The following PPP1R14B variants were observed in gnomAD, a reference collection of about 807,000 sequenced individuals.
PPP1R14B encodes the protein protein phosphatase 1 regulatory inhibitor subunit 14B.
A neutral mutation model predicts 14.7 loss-of-function variants in PPP1R14B; 4 were observed. The observed-to-expected ratio is 0.27, with a 90% CI of 0.13 to 0.62. The LOEUF (loss-of-function observed/expected upper bound fraction) is 0.62, where lower values mean the gene tolerates loss of function less well. Among genes scored for constraint, PPP1R14B ranks in the 20% least tolerant of loss-of-function variants. The pLI, the probability that PPP1R14B is intolerant of heterozygous loss-of-function variation, is 0.85. For missense variants in PPP1R14B, 138 were observed against 201.5 expected, an observed-to-expected ratio of 0.68 and a Z score of 1.91; for synonymous variants, 76 against 87.3, an observed-to-expected ratio of 0.87 and a Z score of 0.72.
intron 2 of PPP1R14B, 56 bp from the exon 3 acceptor site, chr11:64,245,018 G>A: frequency 6.5e-7 from 1 of 1,546,752 alleles, no homozygotes. Context: ...GGGGCCTGGA[G>A]CTCGCCTATA....
chr11:64,245,512 C>T (rs2030843481), intron 1 of PPP1R14B: 2 of 500,714 alleles, frequency 4.0e-6, no homozygotes, highest in Admixed American at 7.3e-5. Context: ...CCAGTGGGCA[C>T]GGGGGGTGAC....
chr11:64,245,611 G>A, intron 1 of PPP1R14B: 1 of 332,806 alleles, frequency 3.0e-6, no homozygotes, highest in Non-Finnish European at 5.5e-6. Context: ...CATCTCACCA[G>A]AGCACCGGTG....
At chr11:64,246,180 G>T in intron 1 of PPP1R14B, 1 of 578,230 alleles carries the variant, frequency 1.7e-6, no homozygotes, top group Non-Finnish European at 3.0e-6. Flanking sequence ...GAGGACACTA[G>T]GCTTGACCTG....
In PPP1R14B at chr11:64,245,299, G is replaced by T. The variant is rs1261361361; in HGVS notation, c.259-12C>A. ...GGGATCTCCTCTTCCTGGGGTGGGG[G>T]TGGGGGAGGAGGGAGAGACATAAGC... On this transcript the variant is annotated splice_polypyrimidine_tract_variant and intron_variant, in intron 1 of 3. Coordinates refer to ENST00000309318, the MANE Select transcript of PPP1R14B (RefSeq NM_138689.3). 7 of 1,587,934 alleles carry T rather than the reference G, an allele frequency of 4.4e-6. No individual in the cohort carries two copies. In the South Asian group the frequency reaches 7.7e-5, roughly 18 times the overall value.
intron 1 of PPP1R14B, 155 bp from the exon 2 acceptor site, chr11:64,245,442 C>G (rs1591090547): frequency 3.5e-6 from 2 of 569,600 alleles, no homozygotes; most frequent in East Asian, 6.3e-5. Flanking sequence ...GAAAACAGAT[C>G]AGGCCCGTGC....
chr11:64,245,044 C>A, intron 2 of PPP1R14B, 82 bp from the exon 3 acceptor site: 1 of 1,486,106 alleles, frequency 6.7e-7, no homozygotes, highest in Non-Finnish European at 9.2e-7. Flanking sequence ...TTCCAAGAGA[C>A]TGGGGCCACC....
Position 64,246,692 on chromosome 11 carries a change from G to T in PPP1R14B, c.-19C>A. On this transcript the variant is annotated 5_prime_UTR_variant, in exon 1 of 4. Coordinates refer to ENST00000309318, the MANE Select transcript of PPP1R14B (RefSeq NM_138689.3). ...CCGCCATGGCGGCCGCCGGGGCCAC[G>T]TGCGAGCGTCGGGCCCCTCCCTGCG... The T allele has an allele frequency of 9.2e-7, 1 of 1,082,448 alleles. No homozygotes were observed. The highest frequency in any genetic ancestry group is 4.4e-5 in the South Asian group (1 of 22,964). The allele number at this position is 1,082,448 out of a possible 1,614,324, so 67.1% of individuals were successfully genotyped here.
In PPP1R14B at chr11:64,246,442, G is replaced by A. The variant is rs1172632081; in HGVS notation, c.232C>T (p.Gln78Ter). 1 of 1,609,256 alleles carries A rather than the reference G, an allele frequency of 6.2e-7. No individual in the cohort carries two copies. The highest frequency in any genetic ancestry group is 1.3e-5 in the African/African-American group (1 of 74,912). ...RLNLEEWILE[Q>*]LTRLYDCQEE... is the part of the protein sequence containing the mutation. The stretch of plus-strand genomic sequence containing the variant: ...TGGCAGTCGTAGAGGCGCGTGAGCT[G>A]CTCCAGGATCCACTCCTCTAGGTTG... The change falls in exon 1 of 4, where the codon CAG becomes TAG. Residue 78 changes from glutamine to a stop codon, truncating the protein, a stop_gained. Coordinates refer to ENST00000309318, the MANE Select transcript of PPP1R14B (RefSeq NM_138689.3). LOFTEE classifies it high-confidence loss of function.
chr11:64,245,006 T>TG (rs760294027), intron 2 of PPP1R14B, 44 bp from the exon 3 acceptor site: 1 of 1,574,056 alleles, frequency 6.4e-7, no homozygotes, highest in South Asian at 1.1e-5. Flanking sequence ...TCCTCAGGAG[T>TG]GGGGGCCTGG....
rs530908714 is a variant in PPP1R14B at position 64,245,110 on chromosome 11, T to C, written c.342+94A>G. The C allele has an allele frequency of 7.5e-4, 1,122 of 1,497,014 alleles. 1 individual carries two copies. Among genetic ancestry groups the C allele is most frequent in the Non-Finnish European group, 8.4e-4 (920 of 1,095,574 alleles). 92.7% of individuals were successfully genotyped at this position (1,497,014 alleles called of 1,614,324 possible). ...ACAGCTAGGCATTGGCCCCATTCTG[T>C]TGAGGCAGGAGCTGGGGCTTGAGGG... On this transcript the variant is annotated intron_variant, in intron 2 of 3. Transcript: ENST00000309318.
In PPP1R14B at chr11:64,244,841, TAA is replaced by T. The variant is rs1265900542; in HGVS notation, c.376-21_376-20del. 6.2e-7 allele frequency: 1 copy of T among 1,613,222 alleles called. No homozygotes were observed. Among genetic ancestry groups the T allele is most frequent in the Non-Finnish European group, 8.5e-7 (1 of 1,179,768 alleles). On this transcript the variant is annotated intron_variant, in intron 3 of 3. Coordinates refer to ENST00000309318, the MANE Select transcript of PPP1R14B (RefSeq NM_138689.3). ...TGAAGGCCTGGATGGGGTGGGAGGG[TAA>T]ACATTAAGGAGACCAGACCCCAAGA... is the stretch of plus-strand genomic sequence containing the variant.
At position 64,246,647 on chromosome 11, in the gene PPP1R14B, G is replaced by T. The variant is rs2030891800; in HGVS notation, c.27C>A (p.Gly9=). MADSGTAG[G]AALAAPAPGP... ...CGGGGGCCGGGGCCGCCAACGCCGC[G>T]CCCCCCGCGGTGCCGCTGTCCGCCA... Residue 9 remains glycine, a synonymous_variant, in exon 1 of 4, where the codon GGC becomes GGA. Coordinates refer to ENST00000309318, the MANE Select transcript of PPP1R14B (RefSeq NM_138689.3). The T allele has an allele frequency of 8.1e-7, 1 of 1,242,028 alleles. No homozygotes were observed. The allele number at this position is 1,242,028 out of a possible 1,614,324, so 76.9% of individuals were successfully genotyped here. A position where few individuals can be genotyped will look rare whatever the true frequency, so the allele number is the denominator to read the frequency against.
At position 64,244,602 on chromosome 11, in the gene PPP1R14B, G is replaced by T; in HGVS notation, c.*152C>A. On this transcript the variant is annotated 3_prime_UTR_variant, in exon 4 of 4. Transcript: ENST00000309318. ...AAACCCCAAAAGTGGAAAACTGAGG[G>T]GGCAGGGGAAGAGACCCCTGGGCCA... is the stretch of plus-strand genomic sequence containing the variant. 1.4e-6 allele frequency: 2 copies of T among 1,424,574 alleles called. No homozygotes were observed. The highest frequency in any genetic ancestry group is 1.9e-6 in the Non-Finnish European group (2 of 1,063,306). The allele number at this position is 1,424,574 out of a possible 1,614,324, so 88.2% of individuals were successfully genotyped here. A position where few individuals can be genotyped will look rare whatever the true frequency, so the allele number is the denominator to read the frequency against.
Position 64,244,755 on chromosome 11 carries a change from C to A in PPP1R14B, c.443G>T (p.Ter148LeuextTer74). The change falls in exon 4 of 4, where the codon TGA (stop) becomes TTA (leucine). Residue 148 changes from the stop codon to leucine (L), a stop_lost. Transcript: ENST00000309318. ...MQKLSTPQKK[*>L] ...ACCGTTCTCCTGGGTCGGGGACCGT[C>A]ACTTCTTCTGGGGTGTGCTCAGCTT... 1 of 1,613,364 alleles carries A rather than the reference C, an allele frequency of 6.2e-7. No individual in the cohort carries two copies. Among genetic ancestry groups the A allele is most frequent in the Non-Finnish European group, 8.5e-7 (1 of 1,179,836 alleles).
Position 64,245,219 on chromosome 11 carries a change from C to G in PPP1R14B, c.327G>C (p.Arg109=). The change falls in exon 2 of 4, where the codon CGG becomes CGC. Residue 109 remains arginine, a synonymous_variant. Coordinates refer to ENST00000309318, the MANE Select transcript of PPP1R14B (RefSeq NM_138689.3). ...ELLDMESDDA[R]AARVKELLVD... Reference sequence around the variant, plus strand: ...GCCCCCTCACCTTGACCCTGGCAGCCCGGGCATCGTCACTCTCCATGTCCA... The same window carrying G: ...GCCCCCTCACCTTGACCCTGGCAGCGCGGGCATCGTCACTCTCCATGTCCA... 1 of 1,613,626 alleles carries G rather than the reference C, an allele frequency of 6.2e-7. No individual in the cohort carries two copies. Among genetic ancestry groups the G allele is most frequent in the Non-Finnish European group, 8.5e-7 (1 of 1,179,666 alleles).
At chr11:64,245,096 T>C in intron 2 of PPP1R14B, 108 bp downstream of exon 2, 1 of 1,467,206 alleles carries the variant, frequency 6.8e-7, no homozygotes, top group East Asian at 2.3e-5. Context: ...CAGCTAGGCA[T>C]TGGCCCCATT....
intron 2 of PPP1R14B, 71 bp from the exon 3 acceptor site, chr11:64,245,033 C>T: frequency 6.0e-6 from 9 of 1,508,982 alleles, no homozygotes; most frequent in Non-Finnish European, 8.1e-6. Flanking sequence ...CCTATACCCA[C>T]TTCCAAGAGA....
chr11:64,244,851 G>A (rs1276319548), intron 3 of PPP1R14B, 29 bp from the exon 4 acceptor site: 4 of 1,613,806 alleles, frequency 2.5e-6, no homozygotes, highest in African/African-American at 2.7e-5. Flanking sequence ...TAAACATTAA[G>A]GAGACCAGAC....
intron 2 of PPP1R14B, 78 bp from the exon 3 acceptor site, chr11:64,245,040 G>C: frequency 6.7e-7 from 1 of 1,495,560 alleles, no homozygotes; most frequent in South Asian, 1.2e-5. Flanking sequence ...CCACTTCCAA[G>C]AGACTGGGGC....
Sources: gnomAD v4.1 joint callset for allele counts on GRCh38, gnomAD v4.1.1 for gene constraint, MANE v1.5 for transcripts, NCBI Gene and HGNC (gene_info 2026-07-23, HGNC 2026-07-21) for gene names.